Variants in FGFR2 observed in about 807,000 individuals in gnomAD.
The protein encoded by FGFR2 is fibroblast growth factor receptor 2.
In FGFR2, 19 loss-of-function variants were observed where a neutral mutation model predicts 95.9. That is an observed-to-expected ratio of 0.20 (90% CI 0.14 to 0.29). The LOEUF is 0.29. Ranked by LOEUF, FGFR2 falls within the 10% of genes least tolerant of loss-of-function variation. FGFR2 has a pLI of 1.00. For missense variants in FGFR2, 707 were observed against 1,056.9 expected, an observed-to-expected ratio of 0.67 and a Z score of 4.59; for synonymous variants, 392 against 393.3, an observed-to-expected ratio of 1.00 and a Z score of 0.04.
intron 5 of FGFR2, among the ~76,000 whole-genome samples, chr10:121,539,782 C>T (rs1853416114): frequency 6.6e-6 from 1 of 152,144 alleles, no homozygotes; most frequent in African/African-American, 2.4e-5. Context: ...GGGTTAATCA[C>T]GTAAAAAACA....
At chr10:121,480,167 G>T (rs756944849) in intron 17 of FGFR2, 146 bp from the exon 18 acceptor site, 1 of 928,418 alleles carries the variant, frequency 1.1e-6, no homozygotes, top group Non-Finnish European at 1.8e-6. Context: ...TTGAGATGTG[G>T]GTATTGGACG....
At chr10:121,542,730 A>G (rs766082967) in intron 5 of FGFR2, among the ~76,000 whole-genome samples, 3 of 152,184 alleles carry the variant, frequency 2.0e-5, no homozygotes, top group Non-Finnish European at 4.4e-5. Context: ...TTCCATGAAC[A>G]TTCCACACCC....
intron 2 of FGFR2, among the ~76,000 whole-genome samples, chr10:121,571,746 C>T (rs896687892): frequency 2.6e-5 from 4 of 151,928 alleles, no homozygotes; most frequent in Admixed American, 2.0e-4. Flanking sequence ...GAGTTCGAGA[C>T]CAGCCTGGCC....
chr10:121,538,434 T>G, intron 6 of FGFR2, 158 bp downstream of exon 6: 1 of 1,121,992 alleles, frequency 8.9e-7, no homozygotes, highest in Non-Finnish European at 1.4e-6. Flanking sequence ...TATTGTCAGA[T>G]GACAGAAGCA....
intron 9 of FGFR2, among the ~76,000 whole-genome samples, chr10:121,508,173 T>C (rs533383521): frequency 3.9e-5 from 6 of 152,286 alleles, no homozygotes; most frequent in East Asian, 1.9e-4. Flanking sequence ...CAAGCGACGA[T>C]TGTACTGTCA....
intron 2 of FGFR2, among the ~76,000 whole-genome samples, chr10:121,580,918 C>A (rs1471048894): frequency 2.9e-5 from 1 of 35,016 alleles, no homozygotes; most frequent in Non-Finnish European, 8.9e-5. Flanking sequence ...GGGCTGTGCG[C>A]CGGCTCCCAC....
chr10:121,488,457 C>T (rs1845709836), intron 13 of FGFR2, among the ~76,000 whole-genome samples: 1 of 148,892 alleles, frequency 6.7e-6, no homozygotes, highest in Non-Finnish European at 1.5e-5. Flanking sequence ...ACAAGAATCA[C>T]TTGAACCTGG....
At chr10:121,493,393 G>C (rs1303332808) in intron 13 of FGFR2, among the ~76,000 whole-genome samples, 1 of 152,150 alleles carries the variant, frequency 6.6e-6, no homozygotes, top group African/African-American at 2.4e-5. Flanking sequence ...TGGGTCCTCA[G>C]GGCTAGGGTG....
intron 5 of FGFR2, among the ~76,000 whole-genome samples, chr10:121,541,144 C>T (rs1457805988): frequency 6.6e-6 from 1 of 152,148 alleles, no homozygotes; most frequent in East Asian, 1.9e-4. Flanking sequence ...AATGTTTTTA[C>T]AATGAGAAGC....
At chr10:121,571,954 T>TA (rs71482668) in intron 2 of FGFR2, among the ~76,000 whole-genome samples, 27,452 of 146,514 alleles carry the variant, frequency 0.19, 2,720 homozygotes, top group Non-Finnish European at 0.23. Flanking sequence ...AAAAAAAAAA[T>TA]AAAAAAAAAA....
chr10:121,517,951 A>G lies in FGFR2; in HGVS notation c.940-488T>C. On this transcript the variant is annotated intron_variant, in intron 7 of 17. Coordinates refer to ENST00000358487, the MANE Select transcript of FGFR2 (RefSeq NM_000141.5). This position sits in a 1 kb window ranked among gnomAD's most constrained non-coding sequence, Gnocchi z 4.7. The stretch of plus-strand genomic sequence containing the variant: ...CCCTGTGGGAACCAATTGGGGTGGA[A>G]GGTTGTCTTGGTTACCAGGCTCTGG... 2 of 390,120 alleles carry G rather than the reference A, an allele frequency of 5.1e-6. No homozygotes were observed. Among genetic ancestry groups the G allele is most frequent in the South Asian group, 4.1e-5 (2 of 49,226 alleles). 24.2% of individuals were successfully genotyped at this position (390,120 alleles called of 1,614,324 possible). A position where few individuals can be genotyped will look rare whatever the true frequency, so the allele number is the denominator to read the frequency against.
rs550730615 is a variant in FGFR2, at chr10:121,576,772, G to A, written c.110-11068C>T. 6.6e-5 allele frequency among the ~76,000 whole-genome samples: 10 copies of A among 152,140 alleles called. No individual in the cohort carries two copies. The South Asian group carries it at 2.1e-3, about 32-fold the overall frequency. ...ACCCCAAGCCTCTCATGGTCCCTTA[G>A]CAGTAAGGCTATGGCCTCATTTTTG... On this transcript the variant is annotated intron_variant, in intron 2 of 17. Coordinates refer to ENST00000358487, the MANE Select transcript of FGFR2 (RefSeq NM_000141.5).
rs1857409643 is a variant in FGFR2 at position 121,564,582 on chromosome 10, G to A, written c.377-3C>T. ...ATCATCTCCGGATGAGATGGCATCT[G>A]TATGCAAAAGAACATATTCCATGGA... On this transcript the variant is annotated splice_region_variant and splice_polypyrimidine_tract_variant and intron_variant, in intron 3 of 17. Coordinates refer to ENST00000358487, the MANE Select transcript of FGFR2 (RefSeq NM_000141.5). 1 of 1,613,520 alleles carries A rather than the reference G, an allele frequency of 6.2e-7. No homozygotes were observed. The highest frequency in any genetic ancestry group is 8.5e-7 in the Non-Finnish European group (1 of 1,179,778).
chr10:121,511,399 G>A (rs1210780156), intron 9 of FGFR2, among the ~76,000 whole-genome samples: 1 of 152,114 alleles, frequency 6.6e-6, no homozygotes, highest in Admixed American at 6.6e-5. Flanking sequence ...TCCTAAACAG[G>A]CATCCTCAGT....
intron 2 of FGFR2, among the ~76,000 whole-genome samples, chr10:121,570,490 C>T (rs1858488005): frequency 6.6e-6 from 1 of 152,232 alleles, no homozygotes; most frequent in South Asian, 2.1e-4. Context: ...GCAAAGAATT[C>T]CCCAGGAAAT....
chr10:121,514,974 T>C, intron 9 of FGFR2, 143 bp downstream of exon 9: 1 of 778,934 alleles, frequency 1.3e-6, no homozygotes, highest in African/African-American at 1.7e-5. Flanking sequence ...AAACACTAAC[T>C]GGGTGACCGC....
intron 17 of FGFR2, among the ~76,000 whole-genome samples, chr10:121,481,315 C>T (rs752166471): frequency 6.6e-6 from 1 of 152,006 alleles, no homozygotes; most frequent in African/African-American, 2.4e-5. Context: ...GCAAAAAGTG[C>T]AGACCACAGC....
chr10:121,566,691 G>A (rs1857718639), intron 2 of FGFR2, among the ~76,000 whole-genome samples: 2 of 152,066 alleles, frequency 1.3e-5, no homozygotes, highest in Admixed American at 6.5e-5. Context: ...CACTTTGCCA[G>A]CTCATGGGAT....
intron 6 of FGFR2, among the ~76,000 whole-genome samples, chr10:121,523,355 C>T (rs1035551048): frequency 6.6e-6 from 1 of 152,186 alleles, no homozygotes; most frequent in Non-Finnish European, 1.5e-5. Context: ...GGATGGGCCC[C>T]AGCAAGCCTC....
Sources: allele counts gnomAD v4.1 joint callset (sites outside exome capture counted in the v4.1 genomes callset), GRCh38; gene constraint gnomAD v4.1.1; non-coding constraint Gnocchi (gnomAD v3.1); transcripts MANE v1.5; gene names NCBI Gene and HGNC (gene_info 2026-07-23, HGNC 2026-07-21).